Variants in CHIC1 observed in about 807,000 individuals in gnomAD.
CHIC1 encodes the protein cysteine-rich hydrophobic domain-containing protein 1.
A neutral mutation model predicts 18.5 loss-of-function variants in CHIC1; 7 were observed. That is an observed-to-expected ratio of 0.38 (90% confidence interval 0.22 to 0.71). CHIC1 has a LOEUF of 0.71. Ranked by LOEUF, CHIC1 falls within the 30% of genes least tolerant of loss-of-function variation. The pLI, the probability that CHIC1 is intolerant of heterozygous loss-of-function variation, is 0.49. For synonymous variants in CHIC1, 77 were observed against 73.5 expected (o/e 1.05, Z -0.25); for missense variants, 159 against 176.9 (o/e 0.90, Z 0.57).
chrX:73,603,030 T>C (rs1294354597), intron 3 of CHIC1, among the ~76,000 whole-genome samples: 1 of 108,760 alleles, frequency 9.2e-6, no homozygotes, highest in African/African-American at 3.6e-5. Flanking sequence ...TTTAAAGTAG[T>C]TTTTTCTACT....
At position 73,682,382 on chromosome X, in the gene CHIC1, G is replaced by A. The variant is rs1022940918; in HGVS notation, c.*1377G>A. The A allele has an allele frequency of 9.0e-6, 1 of 111,571 alleles. No homozygotes were observed. Among genetic ancestry groups the A allele is most frequent in the Admixed American group, 9.5e-5 (1 of 10,492 alleles). The allele number at this position is 111,571 out of a possible 1,213,427, so 9.2% of individuals were successfully genotyped here. On this transcript the variant is annotated 3_prime_UTR_variant, in exon 6 of 6. Coordinates refer to ENST00000373502, the MANE Select transcript of CHIC1 (RefSeq NM_001039840.4). The stretch of plus-strand genomic sequence containing the variant: ...ATATCACATTAATTCAACTGCAAAT[G>A]TATGCCTGTTTGTAGGCATTATTTG...
chrX:73,583,416 C>T (rs907004072), intron 2 of CHIC1, among the ~76,000 whole-genome samples: 1 of 110,750 alleles, frequency 9.0e-6, no homozygotes, highest in Non-Finnish European at 1.9e-5. Context: ...AGTAGTAAAG[C>T]TCTATATTTT....
At chrX:73,647,745 G>A (rs781454718) in intron 3 of CHIC1, among the ~76,000 whole-genome samples, 8 of 112,483 alleles carry the variant, frequency 7.1e-5, no homozygotes, top group Non-Finnish European at 1.5e-4. Flanking sequence ...GGAAGGCATG[G>A]CCACAGTCTC....
In CHIC1 at chrX:73,662,063, TAAATAAATAA is replaced by T. The variant is rs1345252821; in HGVS notation, c.508-17252_508-17243del. 3.2e-4 allele frequency among the ~76,000 whole-genome samples: 34 copies of T among 107,029 alleles called. No individual in the cohort carries two copies. The East Asian group carries it at 7.2e-3, about 23-fold the overall frequency. The allele number at this position is 107,029 out of a possible 115,157, so 92.9% of individuals were successfully genotyped here. ...TAATAAAAAAATAAATAAAAATAAA[TAAATAAATAA>T]AAATAAATAATAAAAAAAAAGAAGT... On this transcript the variant is annotated intron_variant, in intron 3 of 5. Transcript: ENST00000373502.
intron 3 of CHIC1, among the ~76,000 whole-genome samples, chrX:73,624,401 A>G (rs927731601): frequency 8.9e-6 from 1 of 111,850 alleles, no homozygotes; most frequent in Non-Finnish European, 1.9e-5. Context: ...AGTGCTCTTT[A>G]AAGAAAAATT....
chrX:73,655,779 A>G (rs1207509420), intron 3 of CHIC1, among the ~76,000 whole-genome samples: 1 of 107,861 alleles, frequency 9.3e-6, no homozygotes, highest in Non-Finnish European at 1.9e-5. Flanking sequence ...TAACATATGC[A>G]TGCTTATCTT....
At chrX:73,647,219 A>G (rs776200632) in intron 3 of CHIC1, among the ~76,000 whole-genome samples, 1 of 111,916 alleles carries the variant, frequency 8.9e-6, no homozygotes, top group Non-Finnish European at 1.9e-5. Flanking sequence ...GCCACCAGGG[A>G]CTAGGGTTCT....
At chrX:73,573,589 G>A (rs2057481709) in intron 1 of CHIC1, among the ~76,000 whole-genome samples, 1 of 111,116 alleles carries the variant, frequency 9.0e-6, no homozygotes, top group Non-Finnish European at 1.9e-5. Flanking sequence ...TGTCATCTCT[G>A]ATTTCTTTCA....
At chrX:73,649,326 C>A (rs1164321452) in intron 3 of CHIC1, among the ~76,000 whole-genome samples, 1 of 111,589 alleles carries the variant, frequency 9.0e-6, no homozygotes, top group East Asian at 2.8e-4. Context: ...ATCATGATGA[C>A]AGCATCAAAT....
chrX:73,638,527 T>G (rs66851434), intron 3 of CHIC1, among the ~76,000 whole-genome samples: 5,274 of 111,091 alleles, frequency 0.047, 321 homozygotes, highest in African/African-American at 0.16. Flanking sequence ...TGTCTTTTCT[T>G]TAAAAAAAAA....
At chrX:73,567,777 G>A (rs1451117708) in intron 1 of CHIC1, among the ~76,000 whole-genome samples, 1 of 108,958 alleles carries the variant, frequency 9.2e-6, no homozygotes, top group Non-Finnish European at 1.9e-5. Context: ...CTTACTGCTT[G>A]TATGTTCCTG....
At position 73,647,823 on chromosome X, in the gene CHIC1, G is replaced by T. The variant is rs2057896320; in HGVS notation, c.508-31503G>T. Among the ~76,000 whole-genome samples the T allele has an allele frequency of 2.7e-5, 3 of 112,245 alleles. No individual in the cohort carries two copies. The South Asian group carries it at 1.1e-3, about 41-fold the overall frequency. ...GAATCCAGGCAGCCTAGACCAGTGG[G>T]TTTCTGCCCAGTGAGGTACATCCCC... On this transcript the variant is annotated intron_variant, in intron 3 of 5. Transcript: ENST00000373502.
intron 3 of CHIC1, among the ~76,000 whole-genome samples, chrX:73,672,665 G>C (rs1474311102): frequency 8.9e-6 from 1 of 112,114 alleles, no homozygotes; most frequent in Non-Finnish European, 1.9e-5. Context: ...CTGGATATTA[G>C]CCCTTTGTCA....
chrX:73,615,584 G>A (rs1405146692), intron 3 of CHIC1, among the ~76,000 whole-genome samples: 2 of 111,670 alleles, frequency 1.8e-5, no homozygotes, highest in Non-Finnish European at 3.8e-5. Context: ...AGCCTCCTAG[G>A]AGGAGTTCTC....
intron 3 of CHIC1, among the ~76,000 whole-genome samples, chrX:73,600,142 T>G (rs372751810): frequency 9.1e-5 from 9 of 98,367 alleles, no homozygotes; most frequent in East Asian, 3.0e-4. Flanking sequence ...TTTGTCTGTT[T>G]TTGGTGTATA....
At chrX:73,637,635 G>A (rs888042198) in intron 3 of CHIC1, among the ~76,000 whole-genome samples, 1 of 110,556 alleles carries the variant, frequency 9.0e-6, no homozygotes, top group African/African-American at 3.3e-5. Context: ...GCTCAACTCT[G>A]CTCTTCAACT....
At chrX:73,589,801 C>G (rs1290608706) in intron 3 of CHIC1, among the ~76,000 whole-genome samples, 10 of 111,299 alleles carry the variant, frequency 9.0e-5, no homozygotes, top group Non-Finnish European at 1.7e-4. Context: ...TGAACTCCCT[C>G]AGCCCTTGGT....
intron 2 of CHIC1, among the ~76,000 whole-genome samples, chrX:73,577,846 A>G: frequency 9.1e-6 from 1 of 110,343 alleles, no homozygotes; most frequent in South Asian, 3.7e-4. Flanking sequence ...TTTGTTATAC[A>G]TGAAAATAAT....
chrX:73,597,352 G>C (rs2057614900), intron 3 of CHIC1, among the ~76,000 whole-genome samples: 1 of 109,693 alleles, frequency 9.1e-6, no homozygotes, highest in East Asian at 2.9e-4. Context: ...TTGTTCTTTA[G>C]TTGTGGGTGT....
Sources: gnomAD v4.1 joint callset for allele counts (sites outside exome capture counted in the v4.1 genomes callset) on GRCh38, gnomAD v4.1.1 for gene constraint, MANE v1.5 for transcripts, NCBI Gene and HGNC (gene_info 2026-07-23, HGNC 2026-07-21) for gene names.